Variants in PPM1B observed in about 807,000 individuals in gnomAD.
The protein encoded by PPM1B is protein phosphatase, Mg2+/Mn2+ dependent 1B.
A neutral mutation model predicts 43.0 loss-of-function variants in PPM1B; 22 were observed. The observed-to-expected ratio is 0.51, with a 90% CI of 0.37 to 0.73. The LOEUF is 0.73. Among genes scored for constraint, PPM1B ranks in the 30% least tolerant of loss-of-function variants. The pLI is 0.00. For missense variants in PPM1B, 632 were observed against 584.2 expected (o/e 1.08, Z -0.84); for synonymous variants, 217 against 197.9 (o/e 1.10, Z -0.81).
chr2:44,191,653 A>G (rs1029081429), intron 1 of PPM1B, among the ~76,000 whole-genome samples: 1 of 152,212 alleles, frequency 6.6e-6, no homozygotes. Context: ...TTTACATTGT[A>G]TCAGCATTAT....
chr2:44,220,263 CAT>C lies in PPM1B; in HGVS notation c.1134+1744_1134+1745del, dbSNP rs146623821. On this transcript the variant is annotated intron_variant, in intron 5 of 5. Coordinates refer to ENST00000282412, the MANE Select transcript of PPM1B (RefSeq NM_002706.6). ...CCCTCATGTGTAATCTTTAAAAATACATATATATATATATATATACCTTGCTG... is the reference window on the plus strand; with the variant it reads ...CCCTCATGTGTAATCTTTAAAAATACATATATATATATATATACCTTGCTG... 7.7e-3 allele frequency among the ~76,000 whole-genome samples: 1,133 copies of C among 146,508 alleles called. 6 individuals are homozygous for C. Among genetic ancestry groups the C allele is most frequent in the African/African-American group, 0.024 (979 of 40,146 alleles).
chr2:44,212,276 T>A (rs948531501), intron 3 of PPM1B, among the ~76,000 whole-genome samples: 1 of 152,186 alleles, frequency 6.6e-6, no homozygotes, highest in Non-Finnish European at 1.5e-5. Context: ...TTCATATTTA[T>A]AACTCTCTTC....
At chr2:44,211,927 T>TTA (rs1044500513) in intron 3 of PPM1B, among the ~76,000 whole-genome samples, 1 of 152,034 alleles carries the variant, frequency 6.6e-6, no homozygotes, top group African/African-American at 2.4e-5. Context: ...TTTTGTATGT[T>TTA]TAGTAGAGAG....
intron 1 of PPM1B, among the ~76,000 whole-genome samples, chr2:44,170,863 T>A (rs1456484109): frequency 6.6e-6 from 1 of 152,262 alleles, no homozygotes; most frequent in Non-Finnish European, 1.5e-5. Flanking sequence ...ATTTTAAAAT[T>A]AAGTATTTAG....
intron 1 of PPM1B, among the ~76,000 whole-genome samples, chr2:44,177,884 C>T (rs1241393936): frequency 6.8e-6 from 1 of 145,986 alleles, no homozygotes; most frequent in Non-Finnish European, 1.5e-5. Flanking sequence ...ATATATATTG[C>T]ATAGTATTCC....
intron 5 of PPM1B, among the ~76,000 whole-genome samples, chr2:44,219,630 A>T (rs1669880581): frequency 6.6e-6 from 1 of 152,044 alleles, no homozygotes; most frequent in Non-Finnish European, 1.5e-5. Flanking sequence ...TTTTTGTGGC[A>T]GGTTCCTCAG....
At chr2:44,207,656 A>G (rs1406823498) in intron 2 of PPM1B, among the ~76,000 whole-genome samples, 3 of 151,418 alleles carry the variant, frequency 2.0e-5, no homozygotes, top group Non-Finnish European at 4.4e-5. Flanking sequence ...GCTCACTGCA[A>G]TCTCCACTTC....
chr2:44,198,231 G>T (rs1668756461), intron 1 of PPM1B, among the ~76,000 whole-genome samples: 1 of 152,114 alleles, frequency 6.6e-6, no homozygotes, highest in African/African-American at 2.4e-5. Context: ...CACGATCCCG[G>T]CTCACCACAA....
At chr2:44,238,990 G>GGA, downstream of PPM1B, among the ~76,000 whole-genome samples, 1 of 151,432 alleles carries the variant, frequency 6.6e-6, no homozygotes, top group African/African-American at 2.4e-5. Flanking sequence ...GGAGGGAGAG[G>GGA]GAGAGAGAGA....
intron 3 of PPM1B, among the ~76,000 whole-genome samples, chr2:44,209,858 A>T (rs1346718349): frequency 6.6e-6 from 1 of 152,174 alleles, no homozygotes; most frequent in Non-Finnish European, 1.5e-5. Flanking sequence ...TCTGTCTAAA[A>T]TTTACTGTCT....
At chr2:44,205,383 GTGTC>G (rs1420790309) in intron 2 of PPM1B, among the ~76,000 whole-genome samples, 26 of 151,478 alleles carry the variant, frequency 1.7e-4, no homozygotes, top group African/African-American at 5.6e-4. Context: ...GTGTGTGTAA[GTGTC>G]TGTCTGTTTC....
chr2:44,217,095 AGTT>A (rs1200093532), intron 3 of PPM1B, among the ~76,000 whole-genome samples: 1 of 151,444 alleles, frequency 6.6e-6, no homozygotes, highest in African/African-American at 2.4e-5. Flanking sequence ...CATGGTAAAC[AGTT>A]GTTTTGAAAG....
rs139814955 is a variant in PPM1B, at chr2:44,192,852, A to C, written c.-14-8334A>C. ...CTATTCCTGGCTTCTTTTACTTAGCATAATATCCTCCAGGTTCATCCATGT... is the reference window on the plus strand; with the variant it reads ...CTATTCCTGGCTTCTTTTACTTAGCCTAATATCCTCCAGGTTCATCCATGT... On this transcript the variant is annotated intron_variant, in intron 1 of 5. Coordinates refer to ENST00000282412, the MANE Select transcript of PPM1B (RefSeq NM_002706.6). 3.2e-3 allele frequency among the ~76,000 whole-genome samples: 493 copies of C among 152,354 alleles called. 1 individual carries two copies. Among genetic ancestry groups the C allele is most frequent in the African/African-American group, 0.011 (476 of 41,592 alleles).
At chr2:44,211,359 A>G (rs977337962) in intron 3 of PPM1B, among the ~76,000 whole-genome samples, 1 of 152,088 alleles carries the variant, frequency 6.6e-6, no homozygotes, top group East Asian at 1.9e-4. Flanking sequence ...TCAAGAGTAC[A>G]GGTTTGTGGA....
At chr2:44,173,044 G>A (rs894619785) in intron 1 of PPM1B, among the ~76,000 whole-genome samples, 4 of 152,244 alleles carry the variant, frequency 2.6e-5, no homozygotes, top group African/African-American at 4.8e-5. Context: ...GCCAGGCGTG[G>A]TGGCTCACGC....
intron 1 of PPM1B, among the ~76,000 whole-genome samples, chr2:44,169,647 G>T (rs1050045470): frequency 1.4e-4 from 21 of 152,336 alleles, no homozygotes; most frequent in African/African-American, 5.1e-4. Context: ...TCTCTTCCTG[G>T]TGCATGCCCT....
chr2:44,245,888 T>C (rs1670845114), downstream of PPM1B, among the ~76,000 whole-genome samples: 1 of 152,242 alleles, frequency 6.6e-6, no homozygotes, highest in African/African-American at 2.4e-5. Context: ...CTGACTCCAT[T>C]CCTTTGGAGC....
At chr2:44,224,402 C>T (rs1485476523) in intron 5 of PPM1B, among the ~76,000 whole-genome samples, 2 of 142,116 alleles carry the variant, frequency 1.4e-5, no homozygotes, top group African/African-American at 5.3e-5. Context: ...TTTCAGTGAG[C>T]TGAAATCGTG....
At chr2:44,235,332 A>G (rs571580712), downstream of PPM1B, among the ~76,000 whole-genome samples, 5 of 152,330 alleles carry the variant, frequency 3.3e-5, no homozygotes, top group African/African-American at 1.2e-4. Context: ...GGGTAGGCAC[A>G]GTGATTCATG....
Sources: gnomAD v4.1 joint callset for allele counts (sites outside exome capture counted in the v4.1 genomes callset) on GRCh38, gnomAD v4.1.1 for gene constraint, MANE v1.5 for transcripts, NCBI Gene and HGNC (gene_info 2026-07-23, HGNC 2026-07-21) for gene names.